STRN: variants seen among roughly 807,000 people sequenced by gnomAD.
STRN encodes the protein protein phosphatase 2 regulatory subunit B'''alpha.
STRN carries 53 observed loss-of-function variants against 96.3 expected under a neutral mutation model. That is an observed-to-expected ratio of 0.55 (90% confidence interval 0.44 to 0.69). The LOEUF is 0.69. Among genes scored for constraint, STRN ranks in the 30% least tolerant of loss-of-function variants. STRN has a pLI of 0.00. For missense variants in STRN, 987 were observed against 963.9 expected, an observed-to-expected ratio of 1.02 and a Z score of -0.32; for synonymous variants, 428 against 355.9, an observed-to-expected ratio of 1.20 and a Z score of -2.28.
intron 12 of STRN, among the ~76,000 whole-genome samples, chr2:36,865,748 G>A (rs1377183714): frequency 6.6e-6 from 1 of 152,026 alleles, no homozygotes; most frequent in African/African-American, 2.4e-5. Context: ...TTTTAGTAGA[G>A]ATGGGGTTTC....
chr2:36,882,860 A>G (rs1669110375), intron 9 of STRN, among the ~76,000 whole-genome samples: 1 of 152,158 alleles, frequency 6.6e-6, no homozygotes, highest in African/African-American at 2.4e-5. Flanking sequence ...CTCAGCCTAA[A>G]TATGTACTTC....
At chr2:36,858,241 C>A (rs965231958) in intron 13 of STRN, among the ~76,000 whole-genome samples, 5 of 152,034 alleles carry the variant, frequency 3.3e-5, no homozygotes, top group Admixed American at 6.6e-5. Context: ...TTTAAAAGCA[C>A]GTATTTTTCC....
intron 4 of STRN, among the ~76,000 whole-genome samples, chr2:36,905,128 C>G (rs1669789295): frequency 6.6e-6 from 1 of 151,986 alleles, no homozygotes; most frequent in Non-Finnish European, 1.5e-5. Context: ...TGCCACCACG[C>G]CCGGCTAATT....
intron 1 of STRN, among the ~76,000 whole-genome samples, chr2:36,942,783 TCTC>T (rs1038914167): frequency 6.6e-5 from 10 of 151,944 alleles, no homozygotes; most frequent in Admixed American, 2.6e-4. Flanking sequence ...GCAACCTCCT[TCTC>T]CTGGATTCAA....
At chr2:36,906,483 G>C (rs981353571) in intron 3 of STRN, among the ~76,000 whole-genome samples, 7 of 151,926 alleles carry the variant, frequency 4.6e-5, no homozygotes, top group Admixed American at 1.3e-4. Context: ...ATGAATGAAT[G>C]AATGAATGAG....
At position 36,851,089 on chromosome 2, in the gene STRN, T is replaced by C; in HGVS notation, c.1997A>G (p.Gln666Arg). Residue 666 changes from glutamine (Q) to arginine (R), a missense_variant, in exon 16 of 18, where the codon CAA (glutamine) becomes CGA (arginine). Gln to Arg is a conservative substitution (Grantham distance 43). Coordinates refer to ENST00000263918, the MANE Select transcript of STRN (RefSeq NM_003162.4). Reference protein sequence around the residue: ...NVDTTANSSCQINRVISHPTL... With the variant: ...NVDTTANSSCRINRVISHPTL... Reference sequence around the variant, plus strand: ...AGGATGACTGATGACTCTATTTATTTGGCAGGAAGAGTTGGCTGCTAAAAA... The same window carrying C: ...AGGATGACTGATGACTCTATTTATTCGGCAGGAAGAGTTGGCTGCTAAAAA... 1 of 1,613,474 alleles carries C rather than the reference T, an allele frequency of 6.2e-7. No individual in the cohort carries two copies. Among genetic ancestry groups the C allele is most frequent in the Non-Finnish European group, 8.5e-7 (1 of 1,179,778 alleles).
intron 1 of STRN, among the ~76,000 whole-genome samples, chr2:36,964,237 C>T (rs1397303630): frequency 6.8e-6 from 1 of 147,008 alleles, no homozygotes; most frequent in Non-Finnish European, 1.5e-5. Context: ...GAAAGGTAAG[C>T]ATTGTTTTCT....
chr2:36,965,232 G>A (rs1665129969), intron 1 of STRN, among the ~76,000 whole-genome samples: 1 of 152,164 alleles, frequency 6.6e-6, no homozygotes, highest in South Asian at 2.1e-4. Flanking sequence ...TACAGGCTTA[G>A]CCCGTAAAAC....
chr2:36,948,188 G>A (rs912903097), intron 1 of STRN, among the ~76,000 whole-genome samples: 3 of 135,088 alleles, frequency 2.2e-5, no homozygotes, highest in Admixed American at 8.6e-5. Context: ...TGCAACCTCC[G>A]CCTCCCAGGT....
chr2:36,900,517 T>C (rs976492031), intron 5 of STRN, among the ~76,000 whole-genome samples: 13 of 152,372 alleles, frequency 8.5e-5, no homozygotes, highest in Non-Finnish European at 1.6e-4. Context: ...CTCGACCCTG[T>C]TGATTAATAA....
intron 7 of STRN, among the ~76,000 whole-genome samples, chr2:36,891,865 G>C (rs916472809): frequency 6.6e-6 from 1 of 152,010 alleles, no homozygotes; most frequent in African/African-American, 2.4e-5. Context: ...GGAGAAAAAA[G>C]TTCAACAGAA....
At chr2:36,865,446 CG>C (rs549317467) in intron 12 of STRN, among the ~76,000 whole-genome samples, 8 of 151,940 alleles carry the variant, frequency 5.3e-5, no homozygotes, top group African/African-American at 1.7e-4. Flanking sequence ...ATATTTTATA[CG>C]TTTTTTTTGT....
rs560875619 is a variant in STRN at position 36,843,058 on chromosome 2, T to C, written c.*6398A>G. Among the ~76,000 whole-genome samples, 1 of 152,136 alleles carries C rather than the reference T, an allele frequency of 6.6e-6. No homozygotes were observed. Among genetic ancestry groups the C allele is most frequent in the Non-Finnish European group, 1.5e-5 (1 of 68,010 alleles). ...AGGAGGTTCATCAATCCGTGAATAA[T>C]TTTTGGAGTTTTAATGACCTCCTGA... On this transcript the variant is annotated 3_prime_UTR_variant, in exon 18 of 18. Coordinates refer to ENST00000263918, the MANE Select transcript of STRN (RefSeq NM_003162.4).
At chr2:36,936,830 C>A (rs1163531584) in intron 1 of STRN, among the ~76,000 whole-genome samples, 1 of 152,164 alleles carries the variant, frequency 6.6e-6, no homozygotes, top group Non-Finnish European at 1.5e-5. Context: ...GTTGTTACAT[C>A]AACTATCACA....
chr2:36,903,373 G>C (rs904692615), intron 4 of STRN, among the ~76,000 whole-genome samples: 1 of 152,206 alleles, frequency 6.6e-6, no homozygotes, highest in Admixed American at 6.5e-5. Context: ...TCTAGGTCCT[G>C]TTTCTGCCAC....
intron 2 of STRN, among the ~76,000 whole-genome samples, chr2:36,921,072 T>A (rs915837532): frequency 1.3e-5 from 2 of 151,240 alleles, no homozygotes; most frequent in African/African-American, 4.9e-5. Flanking sequence ...AGGCTCTGTC[T>A]CAAAGAAAAA....
intron 6 of STRN, among the ~76,000 whole-genome samples, chr2:36,898,547 C>G (rs1197587828): frequency 1.3e-5 from 2 of 152,200 alleles, no homozygotes; most frequent in African/African-American, 2.4e-5. Context: ...ACTTAGAAAG[C>G]ACTTTATAGT....
At position 36,839,229 on chromosome 2, in the gene STRN, C is replaced by A. The variant is rs923458958; in HGVS notation, c.*10227G>T. ...TGAAAAACATCAAATCATCCCCCTT[C>A]CCTGCTCTATTTTTTTTCCCTCTGC... On this transcript the variant is annotated 3_prime_UTR_variant, in exon 18 of 18. Transcript: ENST00000263918. Among the ~76,000 whole-genome samples, 1 of 152,126 alleles carries A rather than the reference C, an allele frequency of 6.6e-6. No individual in the cohort carries two copies. The highest frequency in any genetic ancestry group is 1.9e-4 in the East Asian group (1 of 5,202).
chr2:36,889,608 T>G (rs1034151684), intron 7 of STRN, among the ~76,000 whole-genome samples: 1 of 130,074 alleles, frequency 7.7e-6, no homozygotes, highest in Non-Finnish European at 1.6e-5. Context: ...AAGCATATTC[T>G]TCTTTTTTTT....
Sources: allele counts gnomAD v4.1 joint callset (sites outside exome capture counted in the v4.1 genomes callset), GRCh38; gene constraint gnomAD v4.1.1; transcripts MANE v1.5; gene names NCBI Gene and HGNC (gene_info 2026-07-23, HGNC 2026-07-21).